UNC80: variants seen among roughly 807,000 people sequenced by gnomAD.
UNC80 encodes the protein unc-80 subunit of NALCN channel complex.
Under a neutral mutation model 384.6 loss-of-function variants are expected in UNC80, and 164 were observed. That is an observed-to-expected ratio of 0.43 (90% CI 0.38 to 0.49). The LOEUF is 0.49. UNC80 is among the 20% of genes least tolerant of loss of function. The pLI is 0.00. For missense variants in UNC80, 3,330 were observed against 4,143.0 expected (o/e 0.80, Z 5.39); for synonymous variants, 1,486 against 1,527.8 (o/e 0.97, Z 0.64).
chr2:209,852,626 A>C (rs1156320159), intron 22 of UNC80, among the ~76,000 whole-genome samples: 1 of 152,104 alleles, frequency 6.6e-6, no homozygotes, highest in Non-Finnish European at 1.5e-5. Context: ...GAGGAAGGTA[A>C]TGCAGCTATA....
At chr2:209,820,215 A>C in intron 12 of UNC80, 96 bp from the exon 13 acceptor site, 1 of 1,417,986 alleles carries the variant, frequency 7.1e-7, no homozygotes, top group East Asian at 2.5e-5. Context: ...TTCATAGACT[A>C]GCCTAAGGAA....
Position 209,921,544 on chromosome 2 carries a change from A to G in UNC80, c.5388A>G (p.Ala1796=). Residue 1796 remains alanine (A), a synonymous_variant, in exon 34 of 65, where the codon GCA becomes GCG. Transcript: ENST00000673920. ...ARAVSRSHQR[A]EHILKNLQQE... ...CTGTGTCCCGCTCCCATCAAAGGGCAGAACACATCTTAAAGAACTTGCAGC... is the reference window on the plus strand; with the variant it reads ...CTGTGTCCCGCTCCCATCAAAGGGCGGAACACATCTTAAAGAACTTGCAGC... The G allele has an allele frequency of 6.4e-7, 1 of 1,551,756 alleles. No homozygotes were observed. The highest frequency in any genetic ancestry group is 1.7e-4 in the Middle Eastern group (1 of 5,992).
intron 4 of UNC80, among the ~76,000 whole-genome samples, chr2:209,784,011 A>T (rs1188036746): frequency 6.6e-6 from 1 of 152,136 alleles, no homozygotes; most frequent in African/African-American, 2.4e-5. Flanking sequence ...CAAACTTAAC[A>T]TGTCTAAAAC....
chr2:209,813,702 A>G lies in UNC80; in HGVS notation c.1061A>G (p.Tyr354Cys). 6.4e-7 allele frequency: 1 copy of G among 1,551,750 alleles called. No individual in the cohort carries two copies. The highest frequency in any genetic ancestry group is 8.7e-7 in the Non-Finnish European group (1 of 1,147,022). Residue 354 changes from tyrosine (Y) to cysteine (C), a missense_variant, in exon 8 of 65, where the codon TAC becomes TGC. Tyr to Cys is a radical substitution (Grantham distance 194, BLOSUM62 -2). This residue lies in a region of UNC80 where 937 missense variants were observed against 1,026.8 expected (regional missense o/e 0.91). Transcript: ENST00000673920. Reference sequence around the variant, plus strand: ...GAAGGCACTCAGTGGTCTCTGATGTACTATCTACAAAGGCTGCGACACATG... The same window carrying G: ...GAAGGCACTCAGTGGTCTCTGATGTGCTATCTACAAAGGCTGCGACACATG... ...SEEGTQWSLM[Y>C]YLQRLRHMLE...
chr2:209,952,655 G>C (rs553741547), intron 47 of UNC80, among the ~76,000 whole-genome samples: 109 of 152,282 alleles, frequency 7.2e-4, no homozygotes, highest in African/African-American at 2.5e-3. Context: ...AACTGAAGAA[G>C]CTTTCTTTCT....
intron 38 of UNC80, among the ~76,000 whole-genome samples, chr2:209,931,980 G>A (rs1173000193): frequency 6.6e-6 from 1 of 152,152 alleles, no homozygotes; most frequent in Non-Finnish European, 1.5e-5. Flanking sequence ...TAGCTATGTG[G>A]AGTTGGGAAG....
At chr2:209,965,301 G>A (rs1240276629) in intron 51 of UNC80, among the ~76,000 whole-genome samples, 1 of 152,008 alleles carries the variant, frequency 6.6e-6, no homozygotes, top group African/African-American at 2.4e-5. Flanking sequence ...GCCGGGCATG[G>A]GGCTGTGCAC....
Position 209,786,140 on chromosome 2 carries a change from A to C in UNC80, c.675A>C (p.Gly225=). Reference sequence around the variant, plus strand: ...CCATGTGGGAACACAGACAGCCCGGAGTCTCTGGCTTTACCGCACTGGTGA... The same window carrying C: ...CCATGTGGGAACACAGACAGCCCGGCGTCTCTGGCTTTACCGCACTGGTGA... ...WQPMWEHRQP[G]VSGFTALVKP... is the part of the protein sequence containing the mutation. The change falls in exon 5 of 65, where the codon GGA becomes GGC. Residue 225 remains glycine (G), a synonymous_variant. Coordinates refer to ENST00000673920, the MANE Select transcript of UNC80 (RefSeq NM_001371986.1). The C allele has an allele frequency of 6.2e-7, 1 of 1,614,066 alleles. No individual in the cohort carries two copies. The highest frequency in any genetic ancestry group is 8.5e-7 in the Non-Finnish European group (1 of 1,179,964).
intron 18 of UNC80, among the ~76,000 whole-genome samples, chr2:209,835,297 A>T (rs1004708499): frequency 6.6e-6 from 1 of 152,156 alleles, no homozygotes; most frequent in African/African-American, 2.4e-5. Context: ...AATGGCATAT[A>T]TACCAGGTGG....
intron 31 of UNC80, among the ~76,000 whole-genome samples, chr2:209,915,429 A>C (rs1217482064): frequency 1.3e-5 from 2 of 151,392 alleles, no homozygotes; most frequent in African/African-American, 4.9e-5. Context: ...AAAAAACAAA[A>C]ACTGGGTGAA....
intron 47 of UNC80, among the ~76,000 whole-genome samples, chr2:209,947,403 AC>A (rs2091962017): frequency 6.6e-6 from 1 of 152,244 alleles, no homozygotes; most frequent in South Asian, 2.1e-4. Context: ...TTCAAATTTT[AC>A]CAAATTTCCA....
chr2:209,844,060 C>A (rs2081956605), intron 21 of UNC80, among the ~76,000 whole-genome samples: 1 of 152,034 alleles, frequency 6.6e-6, no homozygotes, highest in South Asian at 2.1e-4. Context: ...TTTTAAGAAT[C>A]TTCCTAATAA....
At chr2:209,941,142 G>A (rs954702042) in intron 43 of UNC80, 79 bp from the exon 44 acceptor site, 7 of 1,413,062 alleles carry the variant, frequency 5.0e-6, no homozygotes, top group South Asian at 1.6e-5. Flanking sequence ...GAACAGCAGC[G>A]CCTTGGGTTT....
chr2:209,883,662 T>A (rs950499903), intron 25 of UNC80, among the ~76,000 whole-genome samples: 3 of 152,118 alleles, frequency 2.0e-5, no homozygotes, highest in African/African-American at 7.2e-5. Context: ...CTTGATTTCC[T>A]GACCTCATGA....
At chr2:209,961,215 T>C (rs1002095388) in intron 51 of UNC80, 1 of 152,144 alleles carries the variant, frequency 6.6e-6, no homozygotes, top group Non-Finnish European at 1.5e-5. Flanking sequence ...TGGCGCTCCC[T>C]CTAGAGGCCA....
Position 209,995,442 on chromosome 2 carries a change from C to T in UNC80, c.9822C>T (p.Gly3274=). 6.4e-7 allele frequency: 1 copy of T among 1,551,882 alleles called. No individual in the cohort carries two copies. Among genetic ancestry groups the T allele is most frequent in the Non-Finnish European group, 8.7e-7 (1 of 1,147,040 alleles). Residue 3274 remains glycine, a synonymous_variant, in exon 65 of 65, where the codon GGC becomes GGT. Coordinates refer to ENST00000673920, the MANE Select transcript of UNC80 (RefSeq NM_001371986.1). ...TCTCTGACCCTGATGACTTCACAGG[C>T]CTCGAGACATCCAGCCTCCTACAGC... ...AQLSDPDDFT[G]LETSSLLQHG...
intron 21 of UNC80, among the ~76,000 whole-genome samples, chr2:209,844,526 TC>T: frequency 7.3e-6 from 1 of 137,288 alleles, no homozygotes; most frequent in Non-Finnish European, 1.6e-5. Context: ...CTTCCTTCCT[TC>T]CTTCCTTCCT....
At chr2:209,835,789 C>G (rs2081295805) in intron 18 of UNC80, among the ~76,000 whole-genome samples, 1 of 152,180 alleles carries the variant, frequency 6.6e-6, no homozygotes, top group Non-Finnish European at 1.5e-5. Flanking sequence ...ATTATGGTAT[C>G]CTTTCTTCAC....
chr2:209,972,796 T>G (rs760666298), intron 55 of UNC80, among the ~76,000 whole-genome samples: 8 of 152,200 alleles, frequency 5.3e-5, no homozygotes, highest in Non-Finnish European at 1.2e-4. Flanking sequence ...GCATCATGAG[T>G]ATTTGCAAAA....
Sources: gnomAD v4.1 joint callset for allele counts (sites outside exome capture counted in the v4.1 genomes callset) on GRCh38, gnomAD v4.1.1 for gene constraint, gnomAD v4.1.1 regional missense constraint, MANE v1.5 for transcripts, NCBI Gene and HGNC (gene_info 2026-07-23, HGNC 2026-07-21) for gene names.